The following XPC variants were observed in gnomAD, a reference collection of about 807,000 sequenced individuals.
The protein encoded by XPC is XPC complex subunit, DNA damage recognition and repair factor, also known as DNA repair protein complementing XP-C cells.
In XPC, 76 loss-of-function variants were observed where a neutral mutation model predicts 95.8. The observed-to-expected ratio is 0.79, with a 90% CI of 0.66 to 0.96. The LOEUF (loss-of-function observed/expected upper bound fraction) is 0.96. XPC is among the 40% of genes least tolerant of loss of function. XPC has a pLI of 0.00. For missense variants in XPC, 1,146 were observed against 1,179.8 expected (o/e 0.97, Z 0.42); for synonymous variants, 442 against 442.1 (o/e 1.00, Z 0.00).
chr3:14,162,111 A>C (rs542694909), intron 7 of XPC, among the ~76,000 whole-genome samples: 2 of 152,216 alleles, frequency 1.3e-5, no homozygotes, highest in Non-Finnish European at 2.9e-5. Context: ...AAGGCTGTAC[A>C]CTGAAAATTA....
chr3:14,168,440 C>T (rs1199543671), intron 3 of XPC, 60 bp from the exon 4 acceptor site: 1 of 1,594,160 alleles, frequency 6.3e-7, no homozygotes, highest in African/African-American at 1.4e-5. Flanking sequence ...AGCTACTGTA[C>T]TGAACAGAAT....
intron 15 of XPC, 21 bp downstream of exon 15, chr3:14,147,269 C>T: frequency 1.3e-6 from 2 of 1,597,834 alleles, no homozygotes; most frequent in Non-Finnish European, 1.7e-6. Flanking sequence ...CTTGTCTTCT[C>T]TGCAAAGAAC....
Position 14,162,210 on chromosome 3 carries a change from G to C in XPC, c.901-2380C>G, listed in dbSNP as rs147324419. On this transcript the variant is annotated intron_variant, in intron 7 of 15. Transcript: ENST00000285021. ...AAGACCTAATAACCAGATGGCAATGGCACCCAAATTAATCTACAGATCAGT... is the reference window on the plus strand; with the variant it reads ...AAGACCTAATAACCAGATGGCAATGCCACCCAAATTAATCTACAGATCAGT... 6.1e-3 allele frequency among the ~76,000 whole-genome samples: 936 copies of C among 152,200 alleles called. 9 individuals carry two copies. The highest frequency in any genetic ancestry group is 0.02 in the African/African-American group (848 of 41,518).
At chr3:14,156,233 T>A in intron 10 of XPC, 102 bp downstream of exon 10, 1 of 1,420,828 alleles carries the variant, frequency 7.0e-7, no homozygotes, top group African/African-American at 1.4e-5. Context: ...GAGAATGCTG[T>A]CCAGTCAGAT....
Position 14,156,399 on chromosome 3 carries a change from CATAT to C in XPC, c.1965_1968del (p.Tyr656ArgfsTer35). 1 of 1,613,980 alleles carries C rather than the reference CATAT, an allele frequency of 6.2e-7. No homozygotes were observed. The highest frequency in any genetic ancestry group is 1.3e-5 in the African/African-American group (1 of 75,056). On this transcript the variant is annotated frameshift_variant, in exon 10 of 16. Coordinates refer to ENST00000285021, the MANE Select transcript of XPC (RefSeq NM_004628.5). LOFTEE classifies it high-confidence loss of function. ...GCAGCTGTCTCGGGATAGATGGCCT[CATAT>C]TTCAGGAGATGCCGCTTCAGGGCAT...
At chr3:14,168,230 A>G in intron 4 of XPC, 27 bp downstream of exon 4, 2 of 1,588,704 alleles carry the variant, frequency 1.3e-6, no homozygotes, top group Non-Finnish European at 1.7e-6. Flanking sequence ...ATGTGACAGG[A>G]GCCTAGAAGC....
At position 14,173,037 on chromosome 3, in the gene XPC, T is replaced by C. The variant is rs1356683204; in HGVS notation, c.129A>G (p.Pro43=). The C allele has an allele frequency of 2.5e-6, 4 of 1,595,906 alleles. No homozygotes were observed. The Admixed American group carries it at 5.3e-5, about 21-fold the overall frequency. ...AAACTTTGGAGAGAAGGCTCTTCTT[T>C]GGGGGTTTCTCATCTTCAAAGGCAT... The part of the protein sequence containing the change: ...EEDAFEDEKP[P]KKSLLSKVSQ... The change falls in exon 2 of 16, where the codon CCA becomes CCG. Residue 43 remains proline, a synonymous_variant. Transcript: ENST00000285021.
chr3:14,178,543 C>G lies in XPC; in HGVS notation c.26G>C (p.Gly9Ala). 6.2e-7 allele frequency: 1 copy of G among 1,613,116 alleles called. No homozygotes were observed. The highest frequency in any genetic ancestry group is 8.5e-7 in the Non-Finnish European group (1 of 1,179,624). Residue 9 changes from glycine (G) to alanine (A), a missense_variant, in exon 1 of 16, where the codon GGG (glycine) becomes GCG (alanine). Transcript: ENST00000285021. Reference protein sequence around the residue: MARKRAAGGEPRGRELRSQ... With the variant: MARKRAAGAEPRGRELRSQ... ...GCGCAGTTCGCGTCCCCGCGGCTCC[C>G]CGCCGGCCGCGCGTTTCCGAGCCAT... is the stretch of plus-strand genomic sequence containing the variant.
Position 14,158,482 on chromosome 3 carries a change from C to T in XPC, c.1401G>A (p.Gln467=), listed in dbSNP as rs766841566. The T allele has an allele frequency of 6.2e-7, 1 of 1,612,738 alleles. No individual in the cohort carries two copies. The highest frequency in any genetic ancestry group is 2.2e-5 in the East Asian group (1 of 44,844). ...DEDSEPGPPK[Q]RKAPAPQRTK... Reference sequence around the variant, plus strand: ...TCCTCTGAGGAGCGGGGGCTTTCCTCTGCTTTGGAGGGCCAGGTTCGGAAT... The same window carrying T: ...TCCTCTGAGGAGCGGGGGCTTTCCTTTGCTTTGGAGGGCCAGGTTCGGAAT... Residue 467 remains glutamine, a synonymous_variant, in exon 9 of 16, where the codon CAG becomes CAA. Transcript: ENST00000285021. This position sits in a 1 kb window ranked among gnomAD's most constrained non-coding sequence, Gnocchi z 5.2.
rs1695507253 is a variant in XPC at position 14,147,890 on chromosome 3, T to C, written c.2514+18A>G. 1 of 1,581,824 alleles carries C rather than the reference T, an allele frequency of 6.3e-7. No individual in the cohort carries two copies. The highest frequency in any genetic ancestry group is 8.6e-7 in the Non-Finnish European group (1 of 1,162,184). ...GCTTCCCGCTTCTGCTGTCCCTCAG[T>C]CCTGCATATGCGCTTACCTCCTTCT... On this transcript the variant is annotated intron_variant, in intron 14 of 15. Coordinates refer to ENST00000285021, the MANE Select transcript of XPC (RefSeq NM_004628.5).
intron 10 of XPC, chr3:14,153,346 GATGA>G (rs1695774658): frequency 6.6e-6 from 1 of 152,254 alleles, no homozygotes. Flanking sequence ...TCAACTTTAT[GATGA>G]TGCAAAAGCA....
At chr3:14,176,917 A>G (rs187346446) in intron 1 of XPC, among the ~76,000 whole-genome samples, 1 of 152,330 alleles carries the variant, frequency 6.6e-6, no homozygotes, top group East Asian at 1.9e-4. Flanking sequence ...CCTGGCCAAC[A>G]TGGCGAAACC....
intron 1 of XPC, among the ~76,000 whole-genome samples, chr3:14,175,285 T>C (rs939943264): frequency 2.6e-5 from 4 of 152,114 alleles, no homozygotes; most frequent in African/African-American, 9.7e-5. Context: ...ACAAAGGCCT[T>C]CCCTGACACT....
At chr3:14,159,513 A>G (rs1328189436) in intron 8 of XPC, among the ~76,000 whole-genome samples, 5 of 152,188 alleles carry the variant, frequency 3.3e-5, no homozygotes, top group Admixed American at 3.3e-4. Context: ...GAACAAAAGC[A>G]GCACTGGGCC....
At position 14,175,442 on chromosome 3, in the gene XPC, T is replaced by C. The variant is rs79668546; in HGVS notation, c.104-2380A>G. Among the ~76,000 whole-genome samples the C allele has an allele frequency of 5.9e-3, 904 of 152,212 alleles. 4 individuals are homozygous for C. Among genetic ancestry groups the C allele is most frequent in the African/African-American group, 0.02 (851 of 41,522 alleles). The stretch of plus-strand genomic sequence containing the variant: ...GTGATAGCTCTTATCATCATGTGAA[T>C]CCGTTTTTTTTTAACTTGTTATCTG... On this transcript the variant is annotated intron_variant, in intron 1 of 15. Transcript: ENST00000285021.
rs2125021988 is a variant in XPC, at chr3:14,156,456, T to C, written c.1912A>G (p.Ile638Val). The C allele has an allele frequency of 1.3e-5, 21 of 1,613,982 alleles. No individual in the cohort carries two copies. Among genetic ancestry groups the C allele is most frequent in the Non-Finnish European group, 1.8e-5 (21 of 1,179,882 alleles). Residue 638 changes from isoleucine to valine, a missense_variant, in exon 10 of 16, where the codon ATT becomes GTT. Coordinates refer to ENST00000285021, the MANE Select transcript of XPC (RefSeq NM_004628.5). Reference sequence around the variant, plus strand: ...AGAGGGTGGTTCTTATATAAGCCAATGGCAGTGGGCAAAGGCTGGTCCATG... The same window carrying C: ...AGAGGGTGGTTCTTATATAAGCCAACGGCAGTGGGCAAAGGCTGGTCCATG... Reference protein sequence around the residue: ...KHMDQPLPTAIGLYKNHPLYA... With the variant: ...KHMDQPLPTAVGLYKNHPLYA...
intron 10 of XPC, among the ~76,000 whole-genome samples, chr3:14,154,045 A>G (rs1695804134): frequency 6.6e-6 from 1 of 152,250 alleles, no homozygotes; most frequent in African/African-American, 2.4e-5. Context: ...TAAGGAAAAC[A>G]GCAGGGAAAT....
chr3:14,160,958 C>T (rs927569957), intron 7 of XPC, among the ~76,000 whole-genome samples: 1 of 152,310 alleles, frequency 6.6e-6, no homozygotes, highest in African/African-American at 2.4e-5. Flanking sequence ...GGTGACAGGA[C>T]TCTGGAAACA....
intron 7 of XPC, 50 bp downstream of exon 7, chr3:14,164,763 C>A: frequency 6.3e-7 from 1 of 1,586,416 alleles, no homozygotes; most frequent in East Asian, 2.3e-5. Flanking sequence ...CTGCCATTAT[C>A]ATTAGTTAAC....
Sources: allele counts gnomAD v4.1 joint callset (sites outside exome capture counted in the v4.1 genomes callset), GRCh38; gene constraint gnomAD v4.1.1; non-coding constraint Gnocchi (gnomAD v3.1); transcripts MANE v1.5; gene names NCBI Gene and HGNC (gene_info 2026-07-23, HGNC 2026-07-21).